KHDRBS2: variants seen among roughly 807,000 people sequenced by gnomAD.
KHDRBS2 encodes the protein KH RNA binding domain containing, signal transduction associated 2, also known as KH domain-containing, RNA-binding, signal transduction-associated protein 2.
A neutral mutation model predicts 44.3 loss-of-function variants in KHDRBS2; 26 were observed. The observed-to-expected ratio is 0.59, with a 90% CI of 0.43 to 0.81. The LOEUF is 0.81. Among genes scored for constraint, KHDRBS2 ranks in the 40% least tolerant of loss-of-function variants. The probability of loss-of-function intolerance (pLI) is 0.00; values close to 1 mark genes in which losing one functional copy is unlikely to be tolerated. For missense variants in KHDRBS2, 476 were observed against 433.1 expected, an observed-to-expected ratio of 1.10 and a Z score of -0.88; for synonymous variants, 194 against 151.1, an observed-to-expected ratio of 1.28 and a Z score of -2.08.
intron 2 of KHDRBS2, among the ~76,000 whole-genome samples, chr6:62,059,490 A>G (rs1791196887): frequency 6.6e-6 from 1 of 151,602 alleles, no homozygotes; most frequent in Admixed American, 6.6e-5. Flanking sequence ...AGACATGGCA[A>G]TTTATTATAT....
At chr6:61,938,347 G>A (rs953908982) in intron 4 of KHDRBS2, among the ~76,000 whole-genome samples, 2 of 152,100 alleles carry the variant, frequency 1.3e-5, no homozygotes, top group African/African-American at 4.8e-5. Context: ...GAAAGCCATA[G>A]AGTTAGGAAG....
chr6:61,954,368 T>C (rs576601236), intron 4 of KHDRBS2, among the ~76,000 whole-genome samples: 2 of 61,460 alleles, frequency 3.3e-5, no homozygotes, highest in African/African-American at 8.4e-5. Context: ...CATACATATA[T>C]ACGTATGTAT....
the KHDRBS2 span, among the ~76,000 whole-genome samples, chr6:61,660,788 A>G: frequency 6.6e-6 from 1 of 151,634 alleles, no homozygotes; most frequent in Non-Finnish European, 1.5e-5. Flanking sequence ...TCCTCTAATA[A>G]AAAAAGGTGA....
intron 3 of KHDRBS2, among the ~76,000 whole-genome samples, chr6:61,994,050 C>T (rs1393671): frequency 0.77 from 117,760 of 152,070 alleles, 45,927 homozygotes; most frequent in Non-Finnish European, 0.81. Flanking sequence ...CTGTTTACCT[C>T]GCTGCCTGCT....
chr6:61,853,836 T>C (rs1457055491), intron 6 of KHDRBS2, among the ~76,000 whole-genome samples: 2 of 152,218 alleles, frequency 1.3e-5, no homozygotes, highest in Non-Finnish European at 2.9e-5. Flanking sequence ...GACTTTGATA[T>C]TAAGGTCTGT....
At chr6:61,553,802 T>C in the KHDRBS2 span, among the ~76,000 whole-genome samples, 1 of 152,174 alleles carries the variant, frequency 6.6e-6, no homozygotes, top group African/African-American at 2.4e-5. Flanking sequence ...TGTGTAATTA[T>C]AGGTTTCCAG....
At chr6:61,691,129 G>A (rs1456093507) in intron 8 of KHDRBS2, among the ~76,000 whole-genome samples, 7 of 152,068 alleles carry the variant, frequency 4.6e-5, no homozygotes, top group South Asian at 4.2e-4. Flanking sequence ...GTGTAATCAC[G>A]GTTAATAATC....
downstream of KHDRBS2, among the ~76,000 whole-genome samples, chr6:61,675,707 A>ATAT (rs1220055296): frequency 6.6e-6 from 1 of 151,774 alleles, no homozygotes; most frequent in Non-Finnish European, 1.5e-5. Flanking sequence ...TGTTGCCCAG[A>ATAT]TATTAGTAGG....
At chr6:62,069,823 T>C (rs1562782161) in intron 2 of KHDRBS2, among the ~76,000 whole-genome samples, 1 of 151,832 alleles carries the variant, frequency 6.6e-6, no homozygotes, top group African/African-American at 2.4e-5. Flanking sequence ...TTGAGAATGG[T>C]ATCATGGTCT....
intron 6 of KHDRBS2, among the ~76,000 whole-genome samples, chr6:61,831,266 T>TA (rs1418475847): frequency 2.0e-5 from 3 of 152,048 alleles, no homozygotes; most frequent in Non-Finnish European, 2.9e-5. Flanking sequence ...CATTATGGAC[T>TA]AAAAAACCAC....
rs1842460262 is a variant in KHDRBS2 at position 62,286,089 on chromosome 6, T to C, written c.-141A>G. The C allele has an allele frequency of 9.5e-6, 6 of 629,532 alleles. No homozygotes were observed. The highest frequency in any genetic ancestry group is 8.3e-5 in the Admixed American group (3 of 36,346). The allele number at this position is 629,532 out of a possible 1,614,324, so 39.0% of individuals were successfully genotyped here. A position where few individuals can be genotyped will look rare whatever the true frequency, so the allele number is the denominator to read the frequency against. ...ATCTCTGTGCGTCCTCACTGGCCCA[T>C]GCACCCAGCACCTGCGACTCCCGCC... On this transcript the variant is annotated 5_prime_UTR_variant, in exon 1 of 9. It removes an upstream start codon present in the reference 5' UTR. Coordinates refer to ENST00000281156, the MANE Select transcript of KHDRBS2 (RefSeq NM_152688.4).
At chr6:61,573,656 A>T in the KHDRBS2 span, among the ~76,000 whole-genome samples, 385 of 152,078 alleles carry the variant, frequency 2.5e-3, 2 homozygotes, top group African/African-American at 8.9e-3. Flanking sequence ...TGCTGTGGTG[A>T]TGCATGCCTG....
intron 6 of KHDRBS2, among the ~76,000 whole-genome samples, chr6:61,779,513 C>T (rs764302977): frequency 3.3e-5 from 5 of 151,970 alleles, no homozygotes; most frequent in South Asian, 2.1e-4. Flanking sequence ...AATATAGTGG[C>T]AAATAATATA....
At chr6:61,938,647 G>A (rs542363602) in intron 4 of KHDRBS2, among the ~76,000 whole-genome samples, 5 of 152,278 alleles carry the variant, frequency 3.3e-5, no homozygotes, top group African/African-American at 9.6e-5. Flanking sequence ...CTAAAAGGAT[G>A]AAGGCTCAGA....
At chr6:62,197,440 CTTT>C (rs1349380838) in intron 1 of KHDRBS2, among the ~76,000 whole-genome samples, 3 of 152,084 alleles carry the variant, frequency 2.0e-5, no homozygotes, top group Non-Finnish European at 4.4e-5. Flanking sequence ...AGAAACTGTT[CTTT>C]AAGATTACTC....
chr6:62,240,997 C>A (rs1447534770), intron 1 of KHDRBS2, among the ~76,000 whole-genome samples: 2 of 151,942 alleles, frequency 1.3e-5, no homozygotes, highest in African/African-American at 4.8e-5. Flanking sequence ...ATTAGATCAG[C>A]ACCTCTTCCC....
chr6:62,222,856 A>C (rs182102094), intron 1 of KHDRBS2, among the ~76,000 whole-genome samples: 5 of 152,278 alleles, frequency 3.3e-5, no homozygotes, highest in Admixed American at 3.3e-4. Flanking sequence ...GTGAGTTCCT[A>C]TGGTCTTAGG....
At chr6:61,893,048 A>G (rs1309210016) in intron 6 of KHDRBS2, among the ~76,000 whole-genome samples, 1 of 152,160 alleles carries the variant, frequency 6.6e-6, no homozygotes, top group Non-Finnish European at 1.5e-5. Flanking sequence ...ACTCCAACAA[A>G]TTTACAAGAA....
intron 7 of KHDRBS2, among the ~76,000 whole-genome samples, chr6:61,700,684 A>T (rs1439241484): frequency 6.6e-6 from 1 of 150,912 alleles, no homozygotes; most frequent in Admixed American, 6.7e-5. Context: ...GTAAATTAAG[A>T]TCCTTTCCCG....
Sources: allele counts gnomAD v4.1 joint callset (sites outside exome capture counted in the v4.1 genomes callset), GRCh38; gene constraint gnomAD v4.1.1; transcripts MANE v1.5; gene names NCBI Gene and HGNC (gene_info 2026-07-23, HGNC 2026-07-21).